DCC: variants seen among roughly 807,000 people sequenced by gnomAD.
DCC encodes the protein netrin receptor DCC.
A neutral mutation model predicts 172.5 loss-of-function variants in DCC; 58 were observed. The observed-to-expected ratio is 0.34, with a 90% CI of 0.27 to 0.42. The LOEUF is 0.42. Ranked by LOEUF, DCC falls within the 10% of genes least tolerant of loss-of-function variation. The probability of loss-of-function intolerance (pLI) is 1.00; values close to 1 mark genes in which losing one functional copy is unlikely to be tolerated. For synonymous variants in DCC, 709 were observed against 644.5 expected (o/e 1.10, Z -1.52); for missense variants, 1,740 against 1,791.0 (o/e 0.97, Z 0.51).
At chr18:52,655,990 A>G (rs1037716299) in intron 1 of DCC, among the ~76,000 whole-genome samples, 275 of 145,254 alleles carry the variant, frequency 1.9e-3, no homozygotes, top group Admixed American at 4.3e-3. Context: ...GTGTGTGTAT[A>G]TATATATGTG....
intron 9 of DCC, among the ~76,000 whole-genome samples, 176 bp from the exon 10 acceptor site, chr18:53,205,040 G>T (rs1234476537): frequency 1.3e-5 from 2 of 152,068 alleles, no homozygotes; most frequent in East Asian, 1.9e-4. Flanking sequence ...ATTTTAAAAT[G>T]AAGCGATTCT....
At chr18:53,515,434 G>T (rs1017541076) in intron 27 of DCC, among the ~76,000 whole-genome samples, 3 of 150,370 alleles carry the variant, frequency 2.0e-5, no homozygotes, top group African/African-American at 7.3e-5. Context: ...ACATAGTGTT[G>T]GAAGTTCTGG....
At chr18:52,643,051 C>G (rs902050660) in intron 1 of DCC, among the ~76,000 whole-genome samples, 1 of 152,138 alleles carries the variant, frequency 6.6e-6, no homozygotes. Context: ...CTATCCAAAC[C>G]TCTCAAATTA....
chr18:52,358,128 C>G (rs1032470102), intron 1 of DCC, among the ~76,000 whole-genome samples: 1 of 152,044 alleles, frequency 6.6e-6, no homozygotes, highest in Non-Finnish European at 1.5e-5. Context: ...AGTAGACAAA[C>G]CCCATTTGAG....
intron 2 of DCC, among the ~76,000 whole-genome samples, chr18:52,809,035 A>G (rs917114316): frequency 1.3e-5 from 2 of 152,204 alleles, no homozygotes; most frequent in African/African-American, 2.4e-5. Flanking sequence ...TGAGGATGCC[A>G]TATGCCAAAC....
intron 1 of DCC, among the ~76,000 whole-genome samples, chr18:52,378,935 A>G (rs916771349): frequency 1.1e-4 from 16 of 152,158 alleles, no homozygotes; most frequent in Non-Finnish European, 2.2e-4. Flanking sequence ...AGAGAAAAAT[A>G]ATGAATTTTG....
chr18:53,292,389 TA>T (rs896470164), intron 12 of DCC, among the ~76,000 whole-genome samples: 13 of 151,804 alleles, frequency 8.6e-5, no homozygotes, highest in Non-Finnish European at 1.3e-4. Flanking sequence ...ATTTACTATT[TA>T]AAAAAAACCA....
chr18:53,172,107 T>C (rs532039489), intron 8 of DCC, among the ~76,000 whole-genome samples: 8 of 152,284 alleles, frequency 5.3e-5, no homozygotes, highest in Non-Finnish European at 1.2e-4. Flanking sequence ...AAAGAAAATA[T>C]GGTGCATATA....
intron 2 of DCC, among the ~76,000 whole-genome samples, chr18:52,846,362 C>A (rs1375320953): frequency 2.0e-5 from 3 of 151,774 alleles, no homozygotes; most frequent in African/African-American, 7.3e-5. Flanking sequence ...GGCAACATGG[C>A]GAATGCTTTC....
At chr18:52,850,775 C>T (rs192059590) in intron 2 of DCC, among the ~76,000 whole-genome samples, 163 of 151,992 alleles carry the variant, frequency 1.1e-3, no homozygotes, top group African/African-American at 3.7e-3. Flanking sequence ...ACTTTGGAGT[C>T]CTATTGTGTT....
At chr18:52,957,904 A>C (rs976022407) in intron 5 of DCC, among the ~76,000 whole-genome samples, 1 of 152,216 alleles carries the variant, frequency 6.6e-6, no homozygotes, top group African/African-American at 2.4e-5. Context: ...TCAAGGAAGT[A>C]ATATGTTCAG....
chr18:53,299,283 A>T (rs2057104644), intron 12 of DCC, among the ~76,000 whole-genome samples: 1 of 152,202 alleles, frequency 6.6e-6, no homozygotes, highest in South Asian at 2.1e-4. Context: ...AAATGAACAC[A>T]TTAATCCAGC....
intron 12 of DCC, among the ~76,000 whole-genome samples, chr18:53,301,854 T>C (rs1368033961): frequency 6.6e-6 from 1 of 152,210 alleles, no homozygotes; most frequent in Non-Finnish European, 1.5e-5. Context: ...AATGAAATTA[T>C]AAATCTTAAG....
intron 7 of DCC, among the ~76,000 whole-genome samples, chr18:53,092,352 T>G (rs2043026169): frequency 6.6e-6 from 1 of 152,158 alleles, no homozygotes; most frequent in Admixed American, 6.5e-5. Context: ...CCTCTTGTCT[T>G]TCTTTCTATT....
intron 15 of DCC, 118 bp downstream of exon 15, chr18:53,340,025 G>T: frequency 2.7e-6 from 2 of 746,146 alleles, no homozygotes; most frequent in African/African-American, 1.8e-5. Flanking sequence ...GCATGTATTA[G>T]CTCTGAAAGC....
intron 5 of DCC, among the ~76,000 whole-genome samples, chr18:52,992,106 G>T (rs934707931): frequency 1.3e-5 from 2 of 152,174 alleles, no homozygotes; most frequent in African/African-American, 4.8e-5. Flanking sequence ...TTGCCTAAGT[G>T]CTCCCCGCCT....
chr18:53,454,566 A>G (rs2045460363), intron 23 of DCC, among the ~76,000 whole-genome samples: 1 of 152,224 alleles, frequency 6.6e-6, no homozygotes, highest in Non-Finnish European at 1.5e-5. Flanking sequence ...TAGGTGATCT[A>G]CAGTCTTGTC....
intron 9 of DCC, among the ~76,000 whole-genome samples, chr18:53,190,841 G>A (rs1330978138): frequency 6.6e-6 from 1 of 152,130 alleles, no homozygotes; most frequent in South Asian, 2.1e-4. Context: ...GGCTACTGGG[G>A]AGGCCAAGGC....
chr18:52,475,995 A>C (rs1212026281), intron 1 of DCC, among the ~76,000 whole-genome samples: 1 of 152,168 alleles, frequency 6.6e-6, no homozygotes, highest in Admixed American at 6.5e-5. Context: ...AGCTGCATGC[A>C]CTATTTTGGA....
Sources: allele counts gnomAD v4.1 joint callset (sites outside exome capture counted in the v4.1 genomes callset), GRCh38; gene constraint gnomAD v4.1.1; transcripts MANE v1.5; gene names NCBI Gene and HGNC (gene_info 2026-07-23, HGNC 2026-07-21).